TUBB2B: variants seen among roughly 807,000 people sequenced by gnomAD.
The protein encoded by TUBB2B is tubulin beta 2B class IIb.
Under a neutral mutation model 35.0 loss-of-function variants are expected in TUBB2B, and 5 were observed. That is an observed-to-expected ratio of 0.14 (90% CI 0.07 to 0.30). The LOEUF (loss-of-function observed/expected upper bound fraction) is 0.30. Ranked by LOEUF, TUBB2B falls within the 10% of genes least tolerant of loss-of-function variation. TUBB2B has a pLI of 1.00. For synonymous variants in TUBB2B, 166 were observed against 250.5 expected, an observed-to-expected ratio of 0.66 and a Z score of 3.18; for missense variants, 63 against 601.8, an observed-to-expected ratio of 0.10 and a Z score of 9.37.
chr6:3,226,744 A>C lies in TUBB2B; in HGVS notation c.58-75T>G. Reference sequence around the variant, plus strand: ...CAAGGCTCACAATGAAATGTCCCCGACTCAGTTCCGACAACCCAACATTTC... The same window carrying C: ...CAAGGCTCACAATGAAATGTCCCCGCCTCAGTTCCGACAACCCAACATTTC... On this transcript the variant is annotated intron_variant, in intron 1 of 3. Coordinates refer to ENST00000259818, the MANE Select transcript of TUBB2B (RefSeq NM_178012.5). This position sits in a 1 kb window ranked among gnomAD's most constrained non-coding sequence, Gnocchi z 5.5. 7.8e-7 allele frequency: 1 copy of C among 1,284,012 alleles called. No individual in the cohort carries two copies. The highest frequency in any genetic ancestry group is 1.1e-6 in the Non-Finnish European group (1 of 879,240). 79.5% of individuals were successfully genotyped at this position (1,284,012 alleles called of 1,614,324 possible).
Position 3,226,102 on chromosome 6 carries a change from C to G in TUBB2B, c.277+57G>C. ...CCTCTGGCAATCACACCTCTTCAGC[C>G]TCCACTGCCCAGCGTAAAATGAATC... On this transcript the variant is annotated intron_variant, in intron 3 of 3. Transcript: ENST00000259818. The surrounding 1 kb of genome is among the most constrained non-coding windows in gnomAD (Gnocchi z 5.5). The G allele has an allele frequency of 6.6e-7, 1 of 1,510,570 alleles. No homozygotes were observed. The highest frequency in any genetic ancestry group is 9.2e-7 in the Non-Finnish European group (1 of 1,088,374). The allele number at this position is 1,510,570 out of a possible 1,614,324, so 93.6% of individuals were successfully genotyped here.
chr6:3,224,709 G>A lies in TUBB2B; in HGVS notation c.*42C>T. On this transcript the variant is annotated 3_prime_UTR_variant, in exon 4 of 4. Coordinates refer to ENST00000259818, the MANE Select transcript of TUBB2B (RefSeq NM_178012.5). ...GTCCCGGGAAGCCCCCCACCCCCTCGCTTTCCTCCTCCGCTTTCCCTAACC... is the reference window on the plus strand; with the variant it reads ...GTCCCGGGAAGCCCCCCACCCCCTCACTTTCCTCCTCCGCTTTCCCTAACC... 1.2e-6 allele frequency: 2 copies of A among 1,610,052 alleles called. No individual in the cohort carries two copies. The highest frequency in any genetic ancestry group is 1.7e-6 in the Non-Finnish European group (2 of 1,177,070).
chr6:3,227,431 G>C lies in TUBB2B; in HGVS notation c.57+56C>G, dbSNP rs1028969243. ...AGGACCGCGCCTGGGGACCCCGAGGGGCTCTCGGCCCAGGTTCGCGCCCCC... is the reference window on the plus strand; with the variant it reads ...AGGACCGCGCCTGGGGACCCCGAGGCGCTCTCGGCCCAGGTTCGCGCCCCC... On this transcript the variant is annotated intron_variant, in intron 1 of 3. Coordinates refer to ENST00000259818, the MANE Select transcript of TUBB2B (RefSeq NM_178012.5). This position sits in a 1 kb window ranked among gnomAD's most constrained non-coding sequence, Gnocchi z 7.8. 1.6e-5 allele frequency: 26 copies of C among 1,595,882 alleles called. No individual in the cohort carries two copies. The South Asian group carries it at 2.9e-4, about 18-fold the overall frequency.
At position 3,224,427 on chromosome 6, in the gene TUBB2B, G is replaced by T; in HGVS notation, c.*324C>A. ...CTTTTTGTTAAAGGAAGAATTCAAT[G>T]CAATGTGTTCAGAAAGTTACATTTA... On this transcript the variant is annotated 3_prime_UTR_variant, in exon 4 of 4. Coordinates refer to ENST00000259818, the MANE Select transcript of TUBB2B (RefSeq NM_178012.5). The T allele has an allele frequency of 2.2e-6, 1 of 458,984 alleles. No homozygotes were observed. The highest frequency in any genetic ancestry group is 3.9e-6 in the Non-Finnish European group (1 of 257,574). The allele number at this position is 458,984 out of a possible 1,614,324, so 28.4% of individuals were successfully genotyped here. A position where few individuals can be genotyped will look rare whatever the true frequency, so the allele number is the denominator to read the frequency against.
At position 3,224,588 on chromosome 6, in the gene TUBB2B, A is replaced by C. The variant is rs1274689706; in HGVS notation, c.*163T>G. 6.3e-6 allele frequency: 6 copies of C among 945,386 alleles called. No homozygotes were observed. Among genetic ancestry groups the C allele is most frequent in the Non-Finnish European group, 8.5e-6 (6 of 706,772 alleles). 58.6% of individuals were successfully genotyped at this position (945,386 alleles called of 1,614,324 possible). A position where few individuals can be genotyped will look rare whatever the true frequency, so the allele number is the denominator to read the frequency against. ...ATTGATGTCATCAATATTACAAAAA[A>C]GGAAAAAAAAAGTGACAGGCAACAG... On this transcript the variant is annotated 3_prime_UTR_variant, in exon 4 of 4. Transcript: ENST00000259818.
Position 3,226,514 on chromosome 6 carries a change from G to A in TUBB2B, c.166+47C>T. On this transcript the variant is annotated intron_variant, in intron 2 of 3. Coordinates refer to ENST00000259818, the MANE Select transcript of TUBB2B (RefSeq NM_178012.5). The surrounding 1 kb of genome is among the most constrained non-coding windows in gnomAD (Gnocchi z 5.5). ...GGGGTCCCACGCAAGGGAAAGGGGA[G>A]AAGGTGGAAAAACTGAAGGGAGTGG... 6.4e-7 allele frequency: 1 copy of A among 1,554,494 alleles called. No individual in the cohort carries two copies.
rs1757249004 is a variant in TUBB2B, at chr6:3,224,650, G to T, written c.*101C>A. On this transcript the variant is annotated 3_prime_UTR_variant, in exon 4 of 4. Coordinates refer to ENST00000259818, the MANE Select transcript of TUBB2B (RefSeq NM_178012.5). The stretch of plus-strand genomic sequence containing the variant: ...AGAGACCCAGCGCACACCTAAAGTA[G>T]ACCATGCTTCTTTCCTTCCACTGCC... The T allele has an allele frequency of 3.2e-6, 5 of 1,551,432 alleles. No homozygotes were observed. Among genetic ancestry groups the T allele is most frequent in the Non-Finnish European group, 4.4e-6 (5 of 1,144,064 alleles).
rs572858940 is a variant in TUBB2B at position 3,227,338 on chromosome 6, G to A, written c.57+149C>T. The A allele has an allele frequency of 1.0e-5, 11 of 1,058,440 alleles. No homozygotes were observed. Among genetic ancestry groups the A allele is most frequent in the Admixed American group, 2.3e-5 (1 of 43,306 alleles). 65.6% of individuals were successfully genotyped at this position (1,058,440 alleles called of 1,614,324 possible). A position where few individuals can be genotyped will look rare whatever the true frequency, so the allele number is the denominator to read the frequency against. On this transcript the variant is annotated intron_variant, in intron 1 of 3. Transcript: ENST00000259818. This position sits in a 1 kb window ranked among gnomAD's most constrained non-coding sequence, Gnocchi z 7.8. ...CTCCGTCCGCGAAAGTCACCTCCTA[G>A]CCCAGGCCACACTCGGCGGCACAAA...
At chr6:3,225,849 T>C (rs1757280994) in intron 3 of TUBB2B, 38 bp from the exon 4 acceptor site, 3 of 1,612,872 alleles carry the variant, frequency 1.9e-6, no homozygotes, top group South Asian at 1.1e-5. Context: ...TCACCGGTGA[T>C]TGTACTAAAT....
At position 3,227,164 on chromosome 6, in the gene TUBB2B, C is replaced by T. The variant is rs975688025; in HGVS notation, c.57+323G>A. ...ACAATTAATCCTCCTGGTGTCCCAGCCCCTCGCGCGGAGCGCCGCGCACAG... is the reference window on the plus strand; with the variant it reads ...ACAATTAATCCTCCTGGTGTCCCAGTCCCTCGCGCGGAGCGCCGCGCACAG... On this transcript the variant is annotated intron_variant, in intron 1 of 3. Transcript: ENST00000259818. This position sits in a 1 kb window ranked among gnomAD's most constrained non-coding sequence, Gnocchi z 7.8. Among the ~76,000 whole-genome samples, 2 of 152,170 alleles carry T rather than the reference C, an allele frequency of 1.3e-5. No individual in the cohort carries two copies. The highest frequency in any genetic ancestry group is 2.9e-5 in the Non-Finnish European group (2 of 68,022).
At position 3,226,687 on chromosome 6, in the gene TUBB2B, C is replaced by A; in HGVS notation, c.58-18G>T. On this transcript the variant is annotated intron_variant, in intron 1 of 3. Coordinates refer to ENST00000259818, the MANE Select transcript of TUBB2B (RefSeq NM_178012.5). The surrounding 1 kb of genome is among the most constrained non-coding windows in gnomAD (Gnocchi z 5.5). ...TCCCAAAACTGAGACAGAAAGGCTG[C>A]ATTTAGCCATGAACGATGCCCCCAG... 6.2e-7 allele frequency: 1 copy of A among 1,603,254 alleles called. No homozygotes were observed. The highest frequency in any genetic ancestry group is 1.3e-5 in the African/African-American group (1 of 74,848).
In TUBB2B at chr6:3,227,628, A is replaced by C; in HGVS notation, c.-85T>G. 1.9e-6 allele frequency: 3 copies of C among 1,568,398 alleles called. No homozygotes were observed. The highest frequency in any genetic ancestry group is 2.6e-6 in the Non-Finnish European group (3 of 1,157,156). On this transcript the variant is annotated 5_prime_UTR_variant, in exon 1 of 4. Transcript: ENST00000259818. This position sits in a 1 kb window ranked among gnomAD's most constrained non-coding sequence, Gnocchi z 7.8. ...CACACCCACTGCGGGGTCACCGGGA[A>C]GGCGCTCGGGAACCGACGGGCTGAG...
At position 3,226,110 on chromosome 6, in the gene TUBB2B, C is replaced by A. The variant is rs200288350; in HGVS notation, c.277+49G>T. On this transcript the variant is annotated intron_variant, in intron 3 of 3. Transcript: ENST00000259818. The surrounding 1 kb of genome is among the most constrained non-coding windows in gnomAD (Gnocchi z 5.5). ...AATCACACCTCTTCAGCCTCCACTG[C>A]CCAGCGTAAAATGAATCCCTCATGC... is the stretch of plus-strand genomic sequence containing the variant. The A allele has an allele frequency of 2.0e-4, 305 of 1,538,428 alleles. No individual in the cohort carries two copies. The highest frequency in any genetic ancestry group is 2.6e-4 in the Non-Finnish European group (292 of 1,113,226).
rs1237805635 is a variant in TUBB2B at position 3,226,846 on chromosome 6, A to C, written c.58-177T>G. On this transcript the variant is annotated intron_variant, in intron 1 of 3. Coordinates refer to ENST00000259818, the MANE Select transcript of TUBB2B (RefSeq NM_178012.5). This position sits in a 1 kb window ranked among gnomAD's most constrained non-coding sequence, Gnocchi z 5.5. ...TGTATTTTGCAGGTTCAGAAAGTTG[A>C]AACTGGGCGTTTCCCAGGCAAACAG... is the stretch of plus-strand genomic sequence containing the variant. Among the ~76,000 whole-genome samples the C allele has an allele frequency of 1.3e-5, 2 of 152,010 alleles. No individual in the cohort carries two copies. Among genetic ancestry groups the C allele is most frequent in the East Asian group, 3.9e-4 (2 of 5,154 alleles).
chr6:3,227,259 A>G lies in TUBB2B; in HGVS notation c.57+228T>C, dbSNP rs554453555. On this transcript the variant is annotated intron_variant, in intron 1 of 3. Transcript: ENST00000259818. The surrounding 1 kb of genome is among the most constrained non-coding windows in gnomAD (Gnocchi z 7.8). ...AAGCAGCCAGCGCGGAGGGAGGCCG[A>G]GGGGGTGACGGGGACTCCAAATGAG... Among the ~76,000 whole-genome samples the G allele has an allele frequency of 1.6e-4, 25 of 152,144 alleles. 1 individual carries two copies. The highest frequency in any genetic ancestry group is 5.1e-4 in the African/African-American group (21 of 41,518).
rs772990165 is a variant in TUBB2B, at chr6:3,226,142, C to T, written c.277+17G>A. ...TAAAATGAATCCCTCATGCTCTCAG[C>T]CACACCAGGCACTCACCAAACACGA... On this transcript the variant is annotated intron_variant, in intron 3 of 3. Transcript: ENST00000259818. This position sits in a 1 kb window ranked among gnomAD's most constrained non-coding sequence, Gnocchi z 5.5. 2 of 1,606,298 alleles carry T rather than the reference C, an allele frequency of 1.2e-6. No individual in the cohort carries two copies. The highest frequency in any genetic ancestry group is 2.2e-5 in the South Asian group (2 of 90,888).
At position 3,226,223 on chromosome 6, in the gene TUBB2B, G is replaced by A; in HGVS notation, c.213C>T (p.Gly71=). 1 of 1,614,136 alleles carries A rather than the reference G, an allele frequency of 6.2e-7. No individual in the cohort carries two copies. Among genetic ancestry groups the A allele is most frequent in the Non-Finnish European group, 8.5e-7 (1 of 1,180,026 alleles). Reference sequence around the variant, plus strand: ...GTCCAGACCTAACCGAATCCATCGTGCCTGGCTCCAGATCCACGAGGATGG... The same window carrying A: ...GTCCAGACCTAACCGAATCCATCGTACCTGGCTCCAGATCCACGAGGATGG... ...PRAILVDLEP[G]TMDSVRSGPF... The change falls in exon 3 of 4, where the codon GGC becomes GGT. Residue 71 remains glycine (G), a synonymous_variant. Coordinates refer to ENST00000259818, the MANE Select transcript of TUBB2B (RefSeq NM_178012.5). This position sits in a 1 kb window ranked among gnomAD's most constrained non-coding sequence, Gnocchi z 5.5.
rs1757289430 is a variant in TUBB2B at position 3,226,499 on chromosome 6, G to T, written c.166+62C>A. On this transcript the variant is annotated intron_variant, in intron 2 of 3. Transcript: ENST00000259818. This position sits in a 1 kb window ranked among gnomAD's most constrained non-coding sequence, Gnocchi z 5.5. ...CAGGGCCACACCCCTGGGGTCCCACGCAAGGGAAAGGGGAGAAGGTGGAAA... is the reference window on the plus strand; with the variant it reads ...CAGGGCCACACCCCTGGGGTCCCACTCAAGGGAAAGGGGAGAAGGTGGAAA... 3 of 1,481,588 alleles carry T rather than the reference G, an allele frequency of 2.0e-6. No individual in the cohort carries two copies. The highest frequency in any genetic ancestry group is 2.8e-6 in the Non-Finnish European group (3 of 1,059,408). The allele number at this position is 1,481,588 out of a possible 1,614,324, so 91.8% of individuals were successfully genotyped here. A position where few individuals can be genotyped will look rare whatever the true frequency, so the allele number is the denominator to read the frequency against.
rs1757249342 is a variant in TUBB2B, at chr6:3,224,684, G to T, written c.*67C>A. 2 of 1,600,362 alleles carry T rather than the reference G, an allele frequency of 1.2e-6. No individual in the cohort carries two copies. Among genetic ancestry groups the T allele is most frequent in the African/African-American group, 1.3e-5 (1 of 74,720 alleles). Reference sequence around the variant, plus strand: ...TCTTTCCTTCCACTGCCAGGTTATCGTCCCGGGAAGCCCCCCACCCCCTCG... The same window carrying T: ...TCTTTCCTTCCACTGCCAGGTTATCTTCCCGGGAAGCCCCCCACCCCCTCG... On this transcript the variant is annotated 3_prime_UTR_variant, in exon 4 of 4. Coordinates refer to ENST00000259818, the MANE Select transcript of TUBB2B (RefSeq NM_178012.5).
Sources: allele counts gnomAD v4.1 joint callset (sites outside exome capture counted in the v4.1 genomes callset), GRCh38; gene constraint gnomAD v4.1.1; non-coding constraint Gnocchi (gnomAD v3.1); transcripts MANE v1.5; gene names NCBI Gene and HGNC (gene_info 2026-07-23, HGNC 2026-07-21).